WDR93: variants seen among roughly 807,000 people sequenced by gnomAD.
WDR93 encodes the protein WD repeat-containing protein 93.
WDR93 carries 73 observed loss-of-function variants against 82.9 expected under a neutral mutation model. The ratio of observed to expected loss-of-function variants is 0.88; its 90% CI spans 0.73 to 1.07. The LOEUF (loss-of-function observed/expected upper bound fraction) is 1.07, where lower values mean the gene tolerates loss of function less well. Among genes scored for constraint, WDR93 ranks in the 50% least tolerant of loss-of-function variants. The pLI is 0.00. For missense variants in WDR93, 738 were observed against 826.0 expected (o/e 0.89, Z 1.31); for synonymous variants, 283 against 300.1 (o/e 0.94, Z 0.59).
chr15:89,723,341 C>T (rs182027688), intron 8 of WDR93, among the ~76,000 whole-genome samples: 224 of 151,624 alleles, frequency 1.5e-3, no homozygotes, highest in African/African-American at 5.2e-3. Flanking sequence ...CTTTGAGAGG[C>T]CAAAGGAGGA....
chr15:89,737,498 G>A, intron 14 of WDR93, 75 bp from the exon 15 acceptor site: 1 of 1,575,672 alleles, frequency 6.3e-7, no homozygotes, highest in African/African-American at 1.4e-5. Flanking sequence ...TCCTTACTGG[G>A]GTGACCTCTA....
chr15:89,713,237 C>T (rs1696597869), intron 5 of WDR93, among the ~76,000 whole-genome samples: 1 of 151,274 alleles, frequency 6.6e-6, no homozygotes, highest in Non-Finnish European at 1.5e-5. Context: ...GAGGGAGATA[C>T]TTTGAGAGGA....
chr15:89,700,477 A>T (rs1218491401), intron 1 of WDR93, among the ~76,000 whole-genome samples: 1 of 152,104 alleles, frequency 6.6e-6, no homozygotes, highest in Admixed American at 6.6e-5. Flanking sequence ...GCACCTTAAA[A>T]TTTATCTCAT....
At position 89,733,198 on chromosome 15, in the gene WDR93, C is replaced by T. The variant is rs752546722; in HGVS notation, c.1523C>T (p.Thr508Ile). 6 of 1,613,950 alleles carry T rather than the reference C, an allele frequency of 3.7e-6. No homozygotes were observed. The South Asian group carries it at 5.5e-5, about 15-fold the overall frequency. The change falls in exon 13 of 17, where the codon ACC (threonine) becomes ATC (isoleucine). Residue 508 changes from threonine (T) to isoleucine (I), a missense_variant. By Grantham distance (89) the Thr-to-Ile change is moderately conservative (BLOSUM62 -1). Transcript: ENST00000268130. Reference protein sequence around the residue: ...LVEASGTQGPTISVLVERPVK... With the variant: ...LVEASGTQGPIISVLVERPVK... ...GAGGCTAGCGGGACCCAAGGACCCA[C>T]CATCAGTGTGCTTGTTGAGAGGTCA... is the stretch of plus-strand genomic sequence containing the variant.
At chr15:89,697,576 G>A (rs1007712653) in intron 1 of WDR93, among the ~76,000 whole-genome samples, 1 of 152,162 alleles carries the variant, frequency 6.6e-6, no homozygotes, top group African/African-American at 2.4e-5. Context: ...CTTGGTAAAT[G>A]TTTCATGTGC....
At chr15:89,729,335 G>T (rs905816107) in intron 10 of WDR93, among the ~76,000 whole-genome samples, 1 of 152,150 alleles carries the variant, frequency 6.6e-6, no homozygotes, top group African/African-American at 2.4e-5. Context: ...GAGAAGGCAT[G>T]AGCCCACATC....
intron 6 of WDR93, among the ~76,000 whole-genome samples, chr15:89,716,194 A>G (rs1966244402): frequency 6.6e-6 from 1 of 152,168 alleles, no homozygotes; most frequent in African/African-American, 2.4e-5. Context: ...TAGCCCAGAG[A>G]TATTCCTCCT....
chr15:89,719,533 A>G (rs1393770554), intron 7 of WDR93: 1 of 152,036 alleles, frequency 6.6e-6, no homozygotes, highest in Admixed American at 6.6e-5. Context: ...TTATCCCTTC[A>G]TTGTCTTTAA....
intron 5 of WDR93, among the ~76,000 whole-genome samples, chr15:89,714,013 A>G (rs967682622): frequency 1.3e-5 from 2 of 152,236 alleles, no homozygotes; most frequent in Non-Finnish European, 2.9e-5. Context: ...CTAGGTTAAC[A>G]TATATTTGCT....
chr15:89,692,253 T>G (rs1964930052), intron 1 of WDR93, among the ~76,000 whole-genome samples: 1 of 152,178 alleles, frequency 6.6e-6, no homozygotes, highest in African/African-American at 2.4e-5. Context: ...ATGGTGTCAT[T>G]TGGGCAGTAA....
At position 89,722,256 on chromosome 15, in the gene WDR93, A is replaced by T. The variant is rs972762851; in HGVS notation, c.880+117A>T. The T allele has an allele frequency of 3.4e-6, 3 of 884,102 alleles. No individual in the cohort carries two copies. In the African/African-American group the frequency reaches 5.2e-5, roughly 15 times the overall value. 54.8% of individuals were successfully genotyped at this position (884,102 alleles called of 1,614,324 possible). On this transcript the variant is annotated intron_variant, in intron 8 of 16. Transcript: ENST00000268130. ...CGATATCAAAATTACAAACATAGTTATGAAGAGGAAATTTTTTTTAAACCC... is the reference window on the plus strand; with the variant it reads ...CGATATCAAAATTACAAACATAGTTTTGAAGAGGAAATTTTTTTTAAACCC...
At chr15:89,735,679 C>T (rs1180650919) in intron 14 of WDR93, 126 bp downstream of exon 14, 14 of 947,888 alleles carry the variant, frequency 1.5e-5, no homozygotes, top group South Asian at 9.1e-5. Flanking sequence ...GACTAGCTTT[C>T]GGGTTTACAA....
intron 10 of WDR93, 119 bp downstream of exon 10, chr15:89,729,212 G>A: frequency 2.0e-6 from 2 of 981,826 alleles, no homozygotes; most frequent in South Asian, 2.7e-5. Context: ...GAATGAAGAG[G>A]GGAGTTTGGT....
upstream of WDR93, chr15:89,690,456 G>A: frequency 1.4e-6 from 1 of 697,654 alleles, no homozygotes. Flanking sequence ...GTAGGAGCTG[G>A]CAACGTCCTT....
At chr15:89,705,704 C>T in intron 4 of WDR93, 86 bp downstream of exon 4, 1 of 915,638 alleles carries the variant, frequency 1.1e-6, no homozygotes, top group Non-Finnish European at 1.8e-6. Context: ...TGATAGCTGG[C>T]CTAGATTAGA....
chr15:89,721,018 G>A (rs1431480897), intron 7 of WDR93: 1 of 152,030 alleles, frequency 6.6e-6, no homozygotes, highest in Non-Finnish European at 1.5e-5. Context: ...TTAACAATTT[G>A]GAATGTTTTG....
intron 4 of WDR93, 84 bp from the exon 5 acceptor site, chr15:89,711,942 C>G: frequency 9.9e-7 from 1 of 1,009,494 alleles, no homozygotes. Context: ...ATCTCTGTTC[C>G]TGGGTGCAGA....
intron 6 of WDR93, among the ~76,000 whole-genome samples, chr15:89,716,606 T>C (rs1401192677): frequency 6.6e-6 from 1 of 152,248 alleles, no homozygotes; most frequent in African/African-American, 2.4e-5. Context: ...ATCAGAAATA[T>C]TTGCCTCAAT....
Position 89,738,189 on chromosome 15 carries a change from C to G in WDR93, c.1914C>G (p.Pro638=), listed in dbSNP as rs1266015631. 6.2e-7 allele frequency: 1 copy of G among 1,613,888 alleles called. No individual in the cohort carries two copies. The highest frequency in any genetic ancestry group is 1.7e-4 in the Middle Eastern group (1 of 6,060). The change falls in exon 16 of 17, where the codon CCC becomes CCG. Residue 638 remains proline, a synonymous_variant. Transcript: ENST00000268130. ...GGGACTTGGATAACATGGCCTTCCCCCAAGCACTGCCACTGGAGAAGAGAT... is the reference window on the plus strand; with the variant it reads ...GGGACTTGGATAACATGGCCTTCCCGCAAGCACTGCCACTGGAGAAGAGAT... The part of the protein sequence containing the change: ...PQRDLDNMAF[P]QALPLEKRCE...
Sources: gnomAD v4.1 joint callset for allele counts (sites outside exome capture counted in the v4.1 genomes callset) on GRCh38, gnomAD v4.1.1 for gene constraint, MANE v1.5 for transcripts, NCBI Gene and HGNC (gene_info 2026-07-23, HGNC 2026-07-21) for gene names.